Variants in DHX8 observed in about 807,000 individuals in gnomAD.
The protein encoded by DHX8 is ATP-dependent RNA helicase DHX8.
A neutral mutation model predicts 140.7 loss-of-function variants in DHX8; 67 were observed. The observed-to-expected ratio is 0.48, with a 90% CI of 0.39 to 0.58. The LOEUF (loss-of-function observed/expected upper bound fraction) is 0.58, where lower values mean the gene tolerates loss of function less well. Among genes scored for constraint, DHX8 ranks in the 20% least tolerant of loss-of-function variants. DHX8 has a pLI of 0.00. For missense variants in DHX8, 887 were observed against 1,550.7 expected (o/e 0.57, Z 7.19); for synonymous variants, 533 against 553.2 (o/e 0.96, Z 0.51).
At position 43,524,242 on chromosome 17, in the gene DHX8, C is replaced by G; in HGVS notation, c.*395C>G. 9.7e-7 allele frequency: 1 copy of G among 1,035,368 alleles called. No individual in the cohort carries two copies. The highest frequency in any genetic ancestry group is 1.2e-6 in the Non-Finnish European group (1 of 860,528). The allele number at this position is 1,035,368 out of a possible 1,614,324, so 64.1% of individuals were successfully genotyped here. On this transcript the variant is annotated 3_prime_UTR_variant, in exon 23 of 23. Coordinates refer to ENST00000262415, the MANE Select transcript of DHX8 (RefSeq NM_004941.3). ...CTACTGTGCTCATCTAAAGTGTTTG[C>G]CCCACTTCCCACCCCGTCTCCAGCC...
At chr17:43,485,646 G>A (rs561624139) in intron 1 of DHX8, among the ~76,000 whole-genome samples, 5 of 151,838 alleles carry the variant, frequency 3.3e-5, no homozygotes, top group Non-Finnish European at 7.4e-5. Flanking sequence ...TCTGCTTTCA[G>A]GGAGCTTACC....
chr17:43,542,958 C>G (rs1008307696), intron 3 of DHX8, among the ~76,000 whole-genome samples: 1 of 152,138 alleles, frequency 6.6e-6, no homozygotes, highest in Non-Finnish European at 1.5e-5. Context: ...CATGGGTTGC[C>G]GGGGTCACTG....
Position 43,492,227 on chromosome 17 carries a change from G to A in DHX8, c.438G>A (p.Leu146=). ...ATGTGAAAGTTGCTGTGGATGTCCT[G>A]AAAGAACTGGAAGCTTTAATGCCCA... ...EDDVKVAVDV[L]KELEALMPSA... is the part of the protein sequence containing the mutation. The change falls in exon 5 of 23, where the codon CTG becomes CTA. Residue 146 remains leucine (L), a synonymous_variant. Coordinates refer to ENST00000262415, the MANE Select transcript of DHX8 (RefSeq NM_004941.3). 6.2e-7 allele frequency: 1 copy of A among 1,614,124 alleles called. No homozygotes were observed. Among genetic ancestry groups the A allele is most frequent in the Non-Finnish European group, 8.5e-7 (1 of 1,180,006 alleles).
chr17:43,499,282 A>G (rs1042040244), intron 10 of DHX8, among the ~76,000 whole-genome samples: 2 of 152,186 alleles, frequency 1.3e-5, no homozygotes, highest in African/African-American at 4.8e-5. Flanking sequence ...TGAAGGATTT[A>G]CTTGAGCACT....
intron 3 of DHX8, among the ~76,000 whole-genome samples, chr17:43,543,276 A>ACACTCTCTCTCT (rs1555559953): frequency 4.3e-5 from 6 of 138,258 alleles, no homozygotes; most frequent in African/African-American, 1.4e-4. Flanking sequence ...ACACACACAC[A>ACACTCTCTCTCT]CTCTCTCTCT....
Position 43,507,815 on chromosome 17 carries a change from C to G in DHX8, c.2116C>G (p.Gln706Glu), listed in dbSNP as rs1272071013. 1 of 1,614,186 alleles carries G rather than the reference C, an allele frequency of 6.2e-7. No individual in the cohort carries two copies. Among genetic ancestry groups the G allele is most frequent in the Non-Finnish European group, 8.5e-7 (1 of 1,180,030 alleles). ...ACATAATATTTCTCTTCAGACAGTT[C>G]AGAAACGGCAGGACATGAAGCTGAT... ...VLFGLLKKTV[Q>E]KRQDMKLIVT... The change falls in exon 15 of 23, where the codon CAG becomes GAG. Residue 706 changes from glutamine to glutamate, a missense_variant. Physicochemically the swap from Gln to Glu is conservative, Grantham distance 29. Around this residue, in one of 9 missense-constraint regions of DHX8, gnomAD observed 178 missense variants for 398.5 expected, o/e 0.45. Coordinates refer to ENST00000262415, the MANE Select transcript of DHX8 (RefSeq NM_004941.3).
Position 43,523,968 on chromosome 17 carries a change from C to T in DHX8, c.*121C>T. The stretch of plus-strand genomic sequence containing the variant: ...TGACTGTCTTAACTGAGCATTTTCT[C>T]AACTCGACTCTCATTTCTTCCCTGC... On this transcript the variant is annotated 3_prime_UTR_variant, in exon 23 of 23. Coordinates refer to ENST00000262415, the MANE Select transcript of DHX8 (RefSeq NM_004941.3). 1.2e-5 allele frequency: 18 copies of T among 1,469,968 alleles called. No individual in the cohort carries two copies. Among genetic ancestry groups the T allele is most frequent in the Non-Finnish European group, 1.6e-5 (18 of 1,113,346 alleles). 91.1% of individuals were successfully genotyped at this position (1,469,968 alleles called of 1,614,324 possible). A position where few individuals can be genotyped will look rare whatever the true frequency, so the allele number is the denominator to read the frequency against.
At chr17:43,487,349 T>C (rs1968226926) in intron 1 of DHX8, among the ~76,000 whole-genome samples, 3 of 152,252 alleles carry the variant, frequency 2.0e-5, no homozygotes, top group Admixed American at 6.5e-5. Flanking sequence ...TAGTACTACT[T>C]TATGAGTTAG....
chr17:43,484,294 C>T, intron 1 of DHX8, 109 bp downstream of exon 1: 2 of 1,299,194 alleles, frequency 1.5e-6, no homozygotes, highest in Non-Finnish European at 2.2e-6. Flanking sequence ...TCGTGTGAAT[C>T]TGTCTCTCTC....
intron 21 of DHX8, 56 bp downstream of exon 21, chr17:43,521,621 GTC>G: frequency 6.5e-7 from 1 of 1,531,086 alleles, no homozygotes; most frequent in Non-Finnish European, 8.9e-7. Context: ...TGAGTATCAT[GTC>G]TTTTCATCTC....
At chr17:43,509,484 A>T (rs1366620864) in intron 16 of DHX8, among the ~76,000 whole-genome samples, 12 of 135,594 alleles carry the variant, frequency 8.8e-5, no homozygotes, top group East Asian at 2.1e-4. Context: ...CCTCCCACTT[A>T]TTTTTTTTTT....
Position 43,499,960 on chromosome 17 carries a change from C to T in DHX8, c.1403C>T (p.Pro468Leu), listed in dbSNP as rs779730463. ...DMSPIKIVKN[P>L]DGSLSQAAMM... ...TTTTTTCTTCTGTTGCACCAGAACCCAGACGGCTCCCTCTCCCAAGCAGCA... is the reference window on the plus strand; with the variant it reads ...TTTTTTCTTCTGTTGCACCAGAACCTAGACGGCTCCCTCTCCCAAGCAGCA... The change falls in exon 11 of 23, where the codon CCA (proline) becomes CTA (leucine). Residue 468 changes from proline to leucine, a missense_variant. Physicochemically the swap from Pro to Leu is moderately conservative, Grantham distance 98. This residue lies in a region of DHX8 where 178 missense variants were observed against 398.5 expected (regional missense o/e 0.45). Transcript: ENST00000262415. 8 of 1,613,722 alleles carry T rather than the reference C, an allele frequency of 5.0e-6. No individual in the cohort carries two copies. The Admixed American group carries it at 1.0e-4, about 20-fold the overall frequency.
At chr17:43,505,185 G>A (rs189372736) in intron 12 of DHX8, among the ~76,000 whole-genome samples, 9 of 152,172 alleles carry the variant, frequency 5.9e-5, no homozygotes, top group East Asian at 1.9e-4. Flanking sequence ...AAAGGTGGGC[G>A]GATCACAAGT....
At position 43,507,487 on chromosome 17, in the gene DHX8, T is replaced by C; in HGVS notation, c.1924-16T>C. 6.2e-7 allele frequency: 1 copy of C among 1,603,114 alleles called. No homozygotes were observed. The highest frequency in any genetic ancestry group is 1.1e-5 in the South Asian group (1 of 90,398). On this transcript the variant is annotated splice_polypyrimidine_tract_variant and intron_variant, in intron 13 of 22. Coordinates refer to ENST00000262415, the MANE Select transcript of DHX8 (RefSeq NM_004941.3). ...GACATTTGTATCCTAGGTTTTCCCC[T>C]TCTCTTCTGCTTTAGGTGGGCTACA...
At chr17:43,527,493 GGAGGGAGACCCTTGCCACTCA>G (rs1296010042), downstream of DHX8, among the ~76,000 whole-genome samples, 33 of 152,234 alleles carry the variant, frequency 2.2e-4, no homozygotes, top group African/African-American at 5.8e-4. Context: ...GGAAGTCCCA[GGAGGGAGACCCTTGCCACTCA>G]GTAGCCCACC....
intron 1 of DHX8, among the ~76,000 whole-genome samples, chr17:43,487,838 G>A (rs577047867): frequency 2.0e-5 from 3 of 151,870 alleles, no homozygotes; most frequent in African/African-American, 4.8e-5. Flanking sequence ...TTAGCCAGGC[G>A]TGGTGGAGGG....
rs541926936 is a variant in DHX8, at chr17:43,532,936, G to A, written c.351-3476G>A. The A allele has an allele frequency of 1.7e-5, 26 of 1,562,856 alleles. No individual in the cohort carries two copies. The South Asian group carries it at 1.7e-4, about 10-fold the overall frequency. ...AAATGTCCAGGGGCTGCTGGAAGAC[G>A]GAGCTGGATGTGGTTGGATGGAGAA... is the stretch of plus-strand genomic sequence containing the variant. On this transcript the variant is annotated intron_variant, in intron 2 of 3. Coordinates refer to the DHX8 transcript ENST00000589898.
intron 2 of DHX8, 101 bp downstream of exon 2, chr17:43,489,635 G>C (rs1413876022): frequency 1.2e-6 from 1 of 843,912 alleles, no homozygotes; most frequent in Non-Finnish European, 1.8e-6. Flanking sequence ...CTGTCGCCTG[G>C]GCTGGAGTGC....
At chr17:43,508,297 T>TAC (rs762958181) in intron 15 of DHX8, 42 bp from the exon 16 acceptor site, 1 of 1,584,126 alleles carries the variant, frequency 6.3e-7, no homozygotes, top group East Asian at 2.2e-5. Context: ...AGGACACACA[T>TAC]ACACACACAG....
Sources: gnomAD v4.1 joint callset for allele counts (sites outside exome capture counted in the v4.1 genomes callset) on GRCh38, gnomAD v4.1.1 for gene constraint, gnomAD v4.1.1 regional missense constraint, MANE v1.5 for transcripts, NCBI Gene and HGNC (gene_info 2026-07-23, HGNC 2026-07-21) for gene names.